LYRM4: variants seen among roughly 807,000 people sequenced by gnomAD.
The protein encoded by LYRM4 is LYR motif-containing protein 4.
Under a neutral mutation model 11.7 loss-of-function variants are expected in LYRM4, and 9 were observed. The observed-to-expected ratio is 0.77, with a 90% confidence interval of 0.46 to 1.34. The LOEUF is 1.34. Ranked by LOEUF, LYRM4 falls within the 40% of genes most tolerant of loss-of-function variation. The probability of loss-of-function intolerance (pLI) is 0.00; values close to 1 mark genes in which losing one functional copy is unlikely to be tolerated. For synonymous variants in LYRM4, 42 were observed against 40.4 expected (o/e 1.04, Z -0.15); for missense variants, 133 against 112.5 (o/e 1.18, Z -0.82).
rs541849125 is a variant in LYRM4, at chr6:5,205,463, A to G, written c.207+11155T>C. ...GGGACAGGCTGAACACAGTACAGAA[A>G]TAGACAGGAGCAAGCCATTTTCCGA... On this transcript the variant is annotated intron_variant, in intron 2 of 2. Transcript: ENST00000330636. 6.1e-4 allele frequency among the ~76,000 whole-genome samples: 92 copies of G among 150,624 alleles called. 3 individuals are homozygous for G. The highest frequency in any genetic ancestry group is 2.3e-3 in the African/African-American group (91 of 40,308).
At chr6:5,140,563 GTGCATTACAGGTA>G (rs1757348389) in intron 2 of LYRM4, among the ~76,000 whole-genome samples, 1 of 152,160 alleles carries the variant, frequency 6.6e-6, no homozygotes, top group Non-Finnish European at 1.5e-5. Flanking sequence ...AAGTACTTAA[GTGCATTACAGGTA>G]TGCACAGTGT....
chr6:5,138,120 TGAG>T (rs1461005314), intron 2 of LYRM4, among the ~76,000 whole-genome samples: 9 of 152,114 alleles, frequency 5.9e-5, no homozygotes. Flanking sequence ...CAAGGGGCAC[TGAG>T]GAGGATTCAT....
intron 1 of LYRM4, among the ~76,000 whole-genome samples, chr6:5,217,145 CCT>C (rs1305842230): frequency 6.6e-6 from 1 of 152,138 alleles, no homozygotes; most frequent in African/African-American, 2.4e-5. Flanking sequence ...AATGCGAGAC[CCT>C]GTCTTAAAAG....
chr6:5,174,756 T>C (rs1265276802), intron 2 of LYRM4, among the ~76,000 whole-genome samples: 1 of 152,230 alleles, frequency 6.6e-6, no homozygotes, highest in Non-Finnish European at 1.5e-5. Flanking sequence ...TATATAAACA[T>C]ATATTATCCC....
At chr6:5,064,885 T>G in the LYRM4 span, among the ~76,000 whole-genome samples, 1 of 152,132 alleles carries the variant, frequency 6.6e-6, no homozygotes, top group Non-Finnish European at 1.5e-5. Flanking sequence ...CTGGATACGT[T>G]ATTTTAAACT....
At chr6:5,243,109 C>T (rs984755178) in intron 1 of LYRM4, among the ~76,000 whole-genome samples, 1 of 152,196 alleles carries the variant, frequency 6.6e-6, no homozygotes, top group Non-Finnish European at 1.5e-5. Context: ...TATAGCAGGG[C>T]TGGGAGAATT....
chr6:5,177,242 A>G (rs911773704), intron 2 of LYRM4, among the ~76,000 whole-genome samples: 1 of 152,246 alleles, frequency 6.6e-6, no homozygotes, highest in African/African-American at 2.4e-5. Flanking sequence ...CTGCTACTTA[A>G]TATCTTCTTA....
chr6:5,076,837 C>A, the LYRM4 span, among the ~76,000 whole-genome samples: 1 of 152,204 alleles, frequency 6.6e-6, no homozygotes, highest in Non-Finnish European at 1.5e-5. Context: ...CTCAATCACA[C>A]GATCACGCCA....
chr6:5,097,578 T>C, the LYRM4 span, among the ~76,000 whole-genome samples: 1 of 152,226 alleles, frequency 6.6e-6, no homozygotes, highest in Admixed American at 6.5e-5. Context: ...CTCTAATTCC[T>C]GAGCTCAAGG....
intron 1 of LYRM4, among the ~76,000 whole-genome samples, chr6:5,237,268 G>A (rs912043172): frequency 3.3e-5 from 5 of 152,106 alleles, no homozygotes; most frequent in Non-Finnish European, 5.9e-5. Flanking sequence ...CAGATCAGTG[G>A]TGGCATTAGA....
chr6:5,130,549 CAAAGA>C (rs1312887351), intron 2 of LYRM4, among the ~76,000 whole-genome samples: 1 of 152,156 alleles, frequency 6.6e-6, no homozygotes, highest in Non-Finnish European at 1.5e-5. Flanking sequence ...AGTGAGACGA[CAAAGA>C]AATATTGCCT....
intron 1 of LYRM4, among the ~76,000 whole-genome samples, chr6:5,238,212 C>T (rs2127752446): frequency 6.6e-6 from 1 of 152,268 alleles, no homozygotes; most frequent in African/African-American, 2.4e-5. Context: ...TTAAATGCAA[C>T]TTGTTTTCAA....
chr6:5,245,167 A>G (rs1349044744), intron 1 of LYRM4, among the ~76,000 whole-genome samples: 3 of 101,334 alleles, frequency 3.0e-5, no homozygotes, highest in Non-Finnish European at 6.1e-5. Context: ...TATATATAAA[A>G]TAGGTGAATT....
chr6:5,224,889 G>A (rs1762785646), intron 1 of LYRM4, among the ~76,000 whole-genome samples: 1 of 152,152 alleles, frequency 6.6e-6, no homozygotes, highest in Non-Finnish European at 1.5e-5. Flanking sequence ...GAACCTCGGA[G>A]GCGAAGGTTG....
At chr6:5,057,607 C>T in the LYRM4 span, among the ~76,000 whole-genome samples, 2 of 151,462 alleles carry the variant, frequency 1.3e-5, no homozygotes, top group Admixed American at 6.6e-5. Context: ...CCCAGCTACT[C>T]GGGAGGCTGA....
intron 2 of LYRM4, among the ~76,000 whole-genome samples, chr6:5,169,212 T>C (rs545498256): frequency 1.3e-5 from 2 of 152,238 alleles, no homozygotes; most frequent in African/African-American, 4.8e-5. Context: ...TACAGGTGTG[T>C]GCCACCGTGC....
At chr6:5,209,419 C>T (rs1761874598) in intron 2 of LYRM4, among the ~76,000 whole-genome samples, 1 of 152,180 alleles carries the variant, frequency 6.6e-6, no homozygotes, top group African/African-American at 2.4e-5. Context: ...CCTATTATTA[C>T]ATTTTTATTG....
intron 2 of LYRM4, among the ~76,000 whole-genome samples, chr6:5,151,888 A>G (rs1339162991): frequency 6.6e-6 from 1 of 152,150 alleles, no homozygotes; most frequent in African/African-American, 2.4e-5. Context: ...GTTCTTTTCT[A>G]CCAGTATTTT....
chr6:5,118,096 T>TATATTTTTTTTTTTG, intron 2 of LYRM4, among the ~76,000 whole-genome samples: 1 of 78,708 alleles, frequency 1.3e-5, no homozygotes, highest in Non-Finnish European at 2.3e-5. Context: ...ATATATATAT[T>TATATTTTTTTTTTTG]TTTGTTTTGT....
Sources: gnomAD v4.1 joint callset for allele counts (sites outside exome capture counted in the v4.1 genomes callset) on GRCh38, gnomAD v4.1.1 for gene constraint, MANE v1.5 for transcripts, NCBI Gene and HGNC (gene_info 2026-07-23, HGNC 2026-07-21) for gene names.